Variants in LRRC17 observed in about 807,000 individuals in gnomAD.
LRRC17 encodes leucine rich repeat containing 17.
In LRRC17, 33 loss-of-function variants were observed where a neutral mutation model predicts 41.5. That is an observed-to-expected ratio of 0.80 (90% CI 0.60 to 1.06). The LOEUF is 1.06. LRRC17 is among the 50% of genes least tolerant of loss of function. LRRC17 has a pLI of 0.00. For synonymous variants in LRRC17, 192 were observed against 197.0 expected (o/e 0.97, Z 0.21); for missense variants, 491 against 519.3 (o/e 0.95, Z 0.53).
At chr7:102,925,447 T>C (rs79722111) in intron 1 of LRRC17, among the ~76,000 whole-genome samples, 2,224 of 152,248 alleles carry the variant, frequency 0.015, 49 homozygotes, top group African/African-American at 0.05. Flanking sequence ...CTGTCAATTC[T>C]TTTGTTATTC....
chr7:102,932,455 T>C (rs183787498), intron 1 of LRRC17, among the ~76,000 whole-genome samples: 33 of 84,734 alleles, frequency 3.9e-4, no homozygotes, highest in African/African-American at 1.2e-3. Context: ...TATTTTTGTA[T>C]GCATTTCAAA....
intron 1 of LRRC17, among the ~76,000 whole-genome samples, chr7:102,925,311 T>C (rs1331060063): frequency 6.6e-6 from 1 of 151,992 alleles, no homozygotes; most frequent in Non-Finnish European, 1.5e-5. Context: ...GGGAGGATTG[T>C]TTGAAGCCAG....
intron 1 of LRRC17, chr7:102,926,192 T>C (rs1818097252): frequency 8.7e-7 from 1 of 1,147,814 alleles, no homozygotes; most frequent in Admixed American, 2.1e-5. Flanking sequence ...AAGGGAGCAC[T>C]GCCCTTGCAG....
At chr7:102,913,417 C>A (rs1281271477) in intron 1 of LRRC17, among the ~76,000 whole-genome samples, 1 of 152,118 alleles carries the variant, frequency 6.6e-6, no homozygotes, top group African/African-American at 2.4e-5. Flanking sequence ...ACATTTAATA[C>A]CTTGTAATAC....
intron 3 of LRRC17, chr7:102,942,458 T>C (rs1821653430): frequency 5.0e-6 from 4 of 796,260 alleles, no homozygotes; most frequent in African/African-American, 1.8e-5. Flanking sequence ...TAGGGGGTTT[T>C]TACCTCCTTT....
At chr7:102,916,781 CTG>C (rs1815955253) in intron 1 of LRRC17, among the ~76,000 whole-genome samples, 1 of 139,186 alleles carries the variant, frequency 7.2e-6, no homozygotes, top group Non-Finnish European at 1.5e-5. Context: ...TATTTGATAA[CTG>C]TTTCTTATGG....
intron 1 of LRRC17, among the ~76,000 whole-genome samples, chr7:102,913,812 G>T (rs893403361): frequency 6.6e-6 from 1 of 152,182 alleles, no homozygotes; most frequent in African/African-American, 2.4e-5. Flanking sequence ...AAGACTAATT[G>T]ATATGCAGAG....
At chr7:102,925,680 G>A (rs553437119) in intron 1 of LRRC17, among the ~76,000 whole-genome samples, 2 of 152,032 alleles carry the variant, frequency 1.3e-5, no homozygotes, top group Non-Finnish European at 2.9e-5. Context: ...GGTGGCTCAC[G>A]CCTGTAATTC....
intron 3 of LRRC17, among the ~76,000 whole-genome samples, chr7:102,942,029 GC>G (rs1821564041): frequency 6.6e-6 from 1 of 152,104 alleles, no homozygotes; most frequent in African/African-American, 2.4e-5. Context: ...TCCCCTGAAG[GC>G]CTTTTAATCT....
chr7:102,923,638 T>C (rs1452556081), intron 1 of LRRC17, among the ~76,000 whole-genome samples: 2 of 151,202 alleles, frequency 1.3e-5, no homozygotes, highest in East Asian at 2.0e-4. Context: ...CTGACCAATA[T>C]GGTGAAACCC....
chr7:102,935,290 T>C (rs1820110009), intron 2 of LRRC17, among the ~76,000 whole-genome samples: 1 of 126,398 alleles, frequency 7.9e-6, no homozygotes, highest in Non-Finnish European at 1.6e-5. Flanking sequence ...CTCGCTCTGA[T>C]GCCCAGGCTG....
intron 1 of LRRC17, 58 bp downstream of exon 1, chr7:102,913,203 G>T: frequency 6.2e-7 from 1 of 1,614,148 alleles, no homozygotes. Flanking sequence ...GATTCTGTAA[G>T]TTGTGGAAGT....
intron 1 of LRRC17, among the ~76,000 whole-genome samples, chr7:102,927,167 T>A (rs1286627330): frequency 6.6e-6 from 1 of 152,234 alleles, no homozygotes. Context: ...TGCAACAAGC[T>A]GCTTTTTGTA....
intron 3 of LRRC17, among the ~76,000 whole-genome samples, chr7:102,942,597 G>C (rs1821670968): frequency 6.6e-6 from 1 of 152,170 alleles, no homozygotes; most frequent in South Asian, 2.1e-4. Flanking sequence ...CTAATGTCTT[G>C]AGAAAAGTAA....
At chr7:102,940,665 C>T (rs1326864028) in intron 3 of LRRC17, among the ~76,000 whole-genome samples, 1 of 152,208 alleles carries the variant, frequency 6.6e-6, no homozygotes, top group Admixed American at 6.5e-5. Flanking sequence ...CATATTATAT[C>T]TAGTTCTAGA....
intron 2 of LRRC17, chr7:102,936,209 G>A (rs771312388): frequency 1.3e-5 from 2 of 152,200 alleles, no homozygotes; most frequent in African/African-American, 4.8e-5. Flanking sequence ...CTAGGCTCCA[G>A]GTACCCACAC....
At position 102,945,106 on chromosome 7, in the gene LRRC17, C is replaced by A. The variant is rs1166506523; in HGVS notation, c.*499C>A. Among the ~76,000 whole-genome samples, 2 of 152,142 alleles carry A rather than the reference C, an allele frequency of 1.3e-5. No homozygotes were observed. The highest frequency in any genetic ancestry group is 4.8e-5 in the African/African-American group (2 of 41,432). ...TTTCCATTTCTGATTTCTGTGCATT[C>A]CAAAATGAGGTCCTGATACATCCAA... On this transcript the variant is annotated 3_prime_UTR_variant, in exon 4 of 4. Coordinates refer to ENST00000339431, the MANE Select transcript of LRRC17 (RefSeq NM_001031692.3).
chr7:102,942,314 G>A (rs947771387), intron 3 of LRRC17: 4 of 1,595,160 alleles, frequency 2.5e-6, no homozygotes, highest in Non-Finnish European at 3.4e-6. Context: ...AACCCTGCAA[G>A]TAGACTTACG....
intron 3 of LRRC17, among the ~76,000 whole-genome samples, chr7:102,941,126 C>T (rs1821341436): frequency 6.6e-6 from 1 of 152,170 alleles, no homozygotes; most frequent in Non-Finnish European, 1.5e-5. Context: ...GTATGCTACA[C>T]TTATACCTTA....
Sources: allele counts gnomAD v4.1 joint callset (sites outside exome capture counted in the v4.1 genomes callset), GRCh38; gene constraint gnomAD v4.1.1; transcripts MANE v1.5; gene names NCBI Gene and HGNC (gene_info 2026-07-23, HGNC 2026-07-21).